The following TOGARAM1 variants were observed in gnomAD, a reference collection of about 807,000 sequenced individuals.
The protein encoded by TOGARAM1 is TOG array regulator of axonemal microtubules 1, also known as TOG array regulator of axonemal microtubules protein 1.
In TOGARAM1, 100 loss-of-function variants were observed where a neutral mutation model predicts 166.6. The ratio of observed to expected loss-of-function variants is 0.60; its 90% CI spans 0.51 to 0.71. TOGARAM1 has a LOEUF of 0.71. Among genes scored for constraint, TOGARAM1 ranks in the 30% least tolerant of loss-of-function variants. The pLI is 0.00. For missense variants in TOGARAM1, 2,029 were observed against 2,102.7 expected (o/e 0.96, Z 0.69); for synonymous variants, 758 against 763.8 (o/e 0.99, Z 0.13).
chr14:44,962,760 C>T lies in TOGARAM1; in HGVS notation c.339C>T (p.Phe113=), dbSNP rs2138696397. 1 of 1,613,344 alleles carries T rather than the reference C, an allele frequency of 6.2e-7. No homozygotes were observed. The stretch of plus-strand genomic sequence containing the variant: ...CTGCCCGGGATCCTTCTGAGGCCTT[C>T]CAGGCTTTGCAAGCTGCTTTGCCGC... ...LRTARDPSEA[F]QALQAALPRR... The change falls in exon 1 of 20, where the codon TTC becomes TTT. Residue 113 remains phenylalanine, a synonymous_variant. Coordinates refer to ENST00000361462, the MANE Select transcript of TOGARAM1 (RefSeq NM_001308120.2).
chr14:44,962,807 T>C lies in TOGARAM1; in HGVS notation c.386T>C (p.Phe129Ser), dbSNP rs1594594290. 6.2e-7 allele frequency: 1 copy of C among 1,612,434 alleles called. No individual in the cohort carries two copies. The highest frequency in any genetic ancestry group is 8.5e-7 in the Non-Finnish European group (1 of 1,179,972). Reference protein sequence around the residue: ...ALPRRGGRLGFPRRKEALYRA... With the variant: ...ALPRRGGRLGSPRRKEALYRA... ...CCGCGGCGGGGCGGTCGACTTGGCTTCCCCCGACGCAAGGAAGCTTTGTAT... is the reference window on the plus strand; with the variant it reads ...CCGCGGCGGGGCGGTCGACTTGGCTCCCCCCGACGCAAGGAAGCTTTGTAT... The change falls in exon 1 of 20, where the codon TTC becomes TCC. Residue 129 changes from phenylalanine to serine, a missense_variant. Coordinates refer to ENST00000361462, the MANE Select transcript of TOGARAM1 (RefSeq NM_001308120.2).
At chr14:45,025,751 AG>A (rs1464246101) in intron 7 of TOGARAM1, 31 bp from the exon 8 acceptor site, 1 of 1,220,912 alleles carries the variant, frequency 8.2e-7, no homozygotes, top group Non-Finnish European at 1.2e-6. Context: ...AATATGTTTA[AG>A]TATTTGTTTT....
At chr14:44,988,844 G>T (rs1172988935) in intron 1 of TOGARAM1, among the ~76,000 whole-genome samples, 2 of 152,238 alleles carry the variant, frequency 1.3e-5, no homozygotes, top group Non-Finnish European at 2.9e-5. Context: ...CCCCTTGGGA[G>T]GCCCAAATGG....
intron 7 of TOGARAM1, among the ~76,000 whole-genome samples, chr14:45,023,934 T>C (rs1880677254): frequency 6.6e-6 from 1 of 151,992 alleles, no homozygotes; most frequent in South Asian, 2.1e-4. Flanking sequence ...AGAGAAGGGG[T>C]TTCACCATGT....
At chr14:44,967,670 C>T (rs2138715438) in intron 1 of TOGARAM1, among the ~76,000 whole-genome samples, 2 of 152,204 alleles carry the variant, frequency 1.3e-5, no homozygotes, top group South Asian at 4.2e-4. Context: ...TTTTGCACAG[C>T]AAACACAAGG....
chr14:44,974,156 G>A (rs66535982), intron 1 of TOGARAM1, among the ~76,000 whole-genome samples: 2 of 151,288 alleles, frequency 1.3e-5, no homozygotes, highest in South Asian at 2.1e-4. Context: ...TATGTTACAC[G>A]TTTTGTAGTT....
chr14:44,963,198 C>G lies in TOGARAM1; in HGVS notation c.777C>G (p.Ser259=), dbSNP rs1885296806. The G allele has an allele frequency of 6.2e-7, 1 of 1,614,160 alleles. No individual in the cohort carries two copies. The highest frequency in any genetic ancestry group is 2.2e-5 in the East Asian group (1 of 44,882). The change falls in exon 1 of 20, where the codon TCC becomes TCG. Residue 259 remains serine, a synonymous_variant. Transcript: ENST00000361462. Reference sequence around the variant, plus strand: ...TGGATCTCACCGAGGTGATAATATCCCTAGCCCGAAAGCTTGGTGATCAGG... The same window carrying G: ...TGGATCTCACCGAGGTGATAATATCGCTAGCCCGAAAGCTTGGTGATCAGG... ...LGLDLTEVII[S]LARKLGDQET... is the part of the protein sequence containing the mutation.
chr14:44,980,095 ACTTC>A (rs1257229936), intron 1 of TOGARAM1, among the ~76,000 whole-genome samples: 1 of 152,168 alleles, frequency 6.6e-6, no homozygotes, highest in African/African-American at 2.4e-5. Context: ...AGGTCTCAGT[ACTTC>A]CTTTTATGTA....
chr14:44,989,174 T>C (rs139370231), intron 1 of TOGARAM1, among the ~76,000 whole-genome samples: 391 of 152,330 alleles, frequency 2.6e-3, no homozygotes, highest in African/African-American at 8.9e-3. Context: ...CCATATCTTA[T>C]ACAATGACAT....
chr14:45,019,104 T>G (rs1030727281), intron 7 of TOGARAM1, among the ~76,000 whole-genome samples: 3 of 152,218 alleles, frequency 2.0e-5, no homozygotes, highest in African/African-American at 7.2e-5. Context: ...TTTCTCTTCC[T>G]TTGATGTCCA....
intron 1 of TOGARAM1, among the ~76,000 whole-genome samples, chr14:44,977,456 T>C (rs929420199): frequency 6.6e-6 from 1 of 151,836 alleles, no homozygotes; most frequent in African/African-American, 2.4e-5. Context: ...TGGGATGGTC[T>C]TGATCTCCTG....
intron 1 of TOGARAM1, among the ~76,000 whole-genome samples, chr14:44,979,781 A>G (rs1886428744): frequency 6.6e-6 from 1 of 152,178 alleles, no homozygotes; most frequent in South Asian, 2.1e-4. Context: ...ACCTTGGGAA[A>G]TTAGCAGAGA....
chr14:44,970,620 A>C (rs1415005461), intron 1 of TOGARAM1, among the ~76,000 whole-genome samples: 1 of 152,130 alleles, frequency 6.6e-6, no homozygotes, highest in Non-Finnish European at 1.5e-5. Context: ...CTTGTTTCTA[A>C]TCTTAGTGGG....
intron 16 of TOGARAM1, among the ~76,000 whole-genome samples, chr14:45,061,205 C>G (rs1296206559): frequency 6.6e-6 from 1 of 152,166 alleles, no homozygotes; most frequent in Non-Finnish European, 1.5e-5. Flanking sequence ...GGGGTATAAT[C>G]AATCGAATAC....
chr14:45,000,929 C>T (rs988698474), intron 3 of TOGARAM1, among the ~76,000 whole-genome samples: 5 of 152,054 alleles, frequency 3.3e-5, no homozygotes, highest in Admixed American at 2.6e-4. Flanking sequence ...AGATGGGGTT[C>T]TACTATGTTG....
At chr14:45,005,948 A>AT (rs1594646385) in intron 4 of TOGARAM1, 60 bp from the exon 5 acceptor site, 1 of 1,429,372 alleles carries the variant, frequency 7.0e-7, no homozygotes, top group Non-Finnish European at 9.4e-7. Flanking sequence ...ACTTGTGACT[A>AT]TAACTCCCTC....
Position 45,044,901 on chromosome 14 carries a change from T to C in TOGARAM1, c.4154+31T>C, listed in dbSNP as rs775810235. On this transcript the variant is annotated intron_variant, in intron 13 of 19. Transcript: ENST00000361462. Reference sequence around the variant, plus strand: ...GTTCAAAATAACCTTGAAATGTCTTTAAACAAAAAATGAAATGTTGCAATC... The same window carrying C: ...GTTCAAAATAACCTTGAAATGTCTTCAAACAAAAAATGAAATGTTGCAATC... The C allele has an allele frequency of 1.6e-5, 25 of 1,520,242 alleles. No individual in the cohort carries two copies. The Middle Eastern group carries it at 1.2e-3, about 74-fold the overall frequency. 94.2% of individuals were successfully genotyped at this position (1,520,242 alleles called of 1,614,324 possible). A position where few individuals can be genotyped will look rare whatever the true frequency, so the allele number is the denominator to read the frequency against.
At chr14:45,034,772 A>G (rs1423624891) in intron 11 of TOGARAM1, among the ~76,000 whole-genome samples, 6 of 152,228 alleles carry the variant, frequency 3.9e-5, no homozygotes, top group Non-Finnish European at 8.8e-5. Context: ...TCAAATAACT[A>G]TATCCCAGAA....
Position 45,046,706 on chromosome 14 carries a change from G to T in TOGARAM1, c.4313+3G>T. 2.3e-6 allele frequency: 3 copies of T among 1,279,346 alleles called. No individual in the cohort carries two copies. Among genetic ancestry groups the T allele is most frequent in the Non-Finnish European group, 3.0e-6 (3 of 1,002,838 alleles). 79.2% of individuals were successfully genotyped at this position (1,279,346 alleles called of 1,614,324 possible). A position where few individuals can be genotyped will look rare whatever the true frequency, so the allele number is the denominator to read the frequency against. On this transcript the variant is annotated splice_donor_region_variant and intron_variant, in intron 14 of 19. Transcript: ENST00000361462. ...CAAGACAGTTCACAAGAAACCAGGT[G>T]AATATCTGCTAATGTTTGCTAAATC...
Sources: allele counts gnomAD v4.1 joint callset (sites outside exome capture counted in the v4.1 genomes callset), GRCh38; gene constraint gnomAD v4.1.1; transcripts MANE v1.5; gene names NCBI Gene and HGNC (gene_info 2026-07-23, HGNC 2026-07-21).